Variants in C13orf46 observed in about 807,000 individuals in gnomAD.
C13orf46 encodes the protein chromosome 13 open reading frame 46.
the C13orf46 span, among the ~76,000 whole-genome samples, chr13:113,943,803 C>A: frequency 1.3e-5 from 2 of 152,156 alleles, no homozygotes; most frequent in African/African-American, 4.8e-5. Context: ...GGGCCTGTGG[C>A]CAGGGCTGGT....
intron 2 of C13orf46, among the ~76,000 whole-genome samples, chr13:113,969,043 G>C: frequency 6.6e-6 from 1 of 152,380 alleles, no homozygotes; most frequent in South Asian, 2.1e-4. Flanking sequence ...TTGGAAAGCA[G>C]GGTCTAACCT....
chr13:113,929,126 C>T, the C13orf46 span, among the ~76,000 whole-genome samples: 190 of 152,356 alleles, frequency 1.2e-3, no homozygotes, highest in African/African-American at 4.4e-3. Flanking sequence ...GTCCCCAGGC[C>T]GTGTACAGAC....
chr13:113,971,181 C>G (rs899113522), intron 1 of C13orf46, among the ~76,000 whole-genome samples: 4 of 152,222 alleles, frequency 2.6e-5, no homozygotes, highest in Non-Finnish European at 5.9e-5. Flanking sequence ...CAGCTACTCC[C>G]TCTTCCCACA....
the C13orf46 span, among the ~76,000 whole-genome samples, chr13:113,935,157 G>A: frequency 2.0e-5 from 3 of 152,354 alleles, no homozygotes; most frequent in Admixed American, 6.5e-5. Flanking sequence ...GGCCAGTGGC[G>A]AGAGGGCCTG....
At chr13:113,973,619 G>A (rs1163893980) in intron 1 of C13orf46, among the ~76,000 whole-genome samples, 189 bp downstream of exon 1, 1 of 152,150 alleles carries the variant, frequency 6.6e-6, no homozygotes, top group Non-Finnish European at 1.5e-5. Context: ...TGCAATGTAT[G>A]ACGTCAGGCC....
the C13orf46 span, among the ~76,000 whole-genome samples, chr13:113,933,675 A>G: frequency 1.5e-3 from 223 of 152,212 alleles, 2 homozygotes; most frequent in East Asian, 0.032. Flanking sequence ...CTCAGTTCTC[A>G]GTATATAGGA....
At chr13:113,946,509 G>A in the C13orf46 span, among the ~76,000 whole-genome samples, 3 of 152,304 alleles carry the variant, frequency 2.0e-5, no homozygotes, top group East Asian at 1.9e-4. Flanking sequence ...TGTGTGGGTC[G>A]TCAGCCGGGT....
the C13orf46 span, chr13:113,927,436 A>G: frequency 1.5e-5 from 6 of 397,502 alleles, no homozygotes; most frequent in East Asian, 7.1e-5. Flanking sequence ...TCAGGTTTGC[A>G]TTTCTTAGGT....
At chr13:113,933,039 A>AT in the C13orf46 span, among the ~76,000 whole-genome samples, 19 of 152,016 alleles carry the variant, frequency 1.2e-4, no homozygotes, top group South Asian at 1.0e-3. Flanking sequence ...AAATTTTTGT[A>AT]TTTTTAGTAG....
At chr13:113,950,054 C>T (rs1359262558), downstream of C13orf46, among the ~76,000 whole-genome samples, 1 of 137,256 alleles carries the variant, frequency 7.3e-6, no homozygotes, top group African/African-American at 2.8e-5. Flanking sequence ...GGGGTCATCA[C>T]TCTTGCCTGA....
At chr13:113,951,599 C>T (rs1466382125), downstream of C13orf46, among the ~76,000 whole-genome samples, 2 of 150,954 alleles carry the variant, frequency 1.3e-5, no homozygotes, top group Non-Finnish European at 2.9e-5. Context: ...AGGCTGCACT[C>T]GCTCCCCGCC....
At chr13:113,935,656 G>A in the C13orf46 span, among the ~76,000 whole-genome samples, 9 of 152,362 alleles carry the variant, frequency 5.9e-5, no homozygotes, top group Middle Eastern at 3.4e-3. Context: ...AACACCACTC[G>A]GGTTACCCAC....
At chr13:113,973,011 G>A (rs1001571887) in intron 1 of C13orf46, among the ~76,000 whole-genome samples, 9 of 152,184 alleles carry the variant, frequency 5.9e-5, no homozygotes, top group South Asian at 2.1e-4. Context: ...TTAGCGTTCC[G>A]AGCACAGGGC....
the C13orf46 span, among the ~76,000 whole-genome samples, chr13:113,941,578 G>A: frequency 1.1e-4 from 16 of 152,234 alleles, no homozygotes; most frequent in African/African-American, 3.6e-4. Flanking sequence ...TGTGTGTGAG[G>A]CTGGGCGTCT....
downstream of C13orf46, among the ~76,000 whole-genome samples, chr13:113,951,153 C>T (rs983589783): frequency 4.6e-5 from 7 of 152,154 alleles, no homozygotes; most frequent in African/African-American, 1.4e-4. Context: ...TCATAAGGGA[C>T]GTAGTGACAG....
the C13orf46 span, among the ~76,000 whole-genome samples, chr13:113,945,605 G>GAAGAAAGAAAGA: frequency 9.5e-3 from 890 of 93,698 alleles, 17 homozygotes; most frequent in East Asian, 0.026. Flanking sequence ...AAGAAAGAAA[G>GAAGAAAGAAAGA]AAGAAAGAAA....
At chr13:113,950,953 C>T (rs879211100), downstream of C13orf46, among the ~76,000 whole-genome samples, 63,108 of 152,174 alleles carry the variant, frequency 0.41, 14,328 homozygotes, top group Non-Finnish European at 0.5. Context: ...TTGGGAAGGC[C>T]GGGCGTTCAG....
rs1343841447 is a variant in C13orf46 at position 113,954,417 on chromosome 13, T to G, written c.*2356A>C. 6.6e-6 allele frequency: 1 copy of G among 152,666 alleles called. No individual in the cohort carries two copies. Among genetic ancestry groups the G allele is most frequent in the Non-Finnish European group, 1.5e-5 (1 of 68,430 alleles). 9.5% of individuals were successfully genotyped at this position (152,666 alleles called of 1,614,324 possible). A position where few individuals can be genotyped will look rare whatever the true frequency, so the allele number is the denominator to read the frequency against. On this transcript the variant is annotated 3_prime_UTR_variant, in exon 7 of 7. Coordinates refer to ENST00000636427, the MANE Select transcript of C13orf46 (RefSeq NM_001365455.2). Reference sequence around the variant, plus strand: ...TGGTGAAACTCGTCTTACAGGCATGTCCTGGAGCCCCCCACACCCCTAGGA... The same window carrying G: ...TGGTGAAACTCGTCTTACAGGCATGGCCTGGAGCCCCCCACACCCCTAGGA...
At chr13:113,938,498 G>A in the C13orf46 span, among the ~76,000 whole-genome samples, 2 of 152,136 alleles carry the variant, frequency 1.3e-5, no homozygotes, top group Admixed American at 6.5e-5. Flanking sequence ...CCGCCCACCT[G>A]CCTCTAAGGA....
Sources: allele counts gnomAD v4.1 joint callset (sites outside exome capture counted in the v4.1 genomes callset), GRCh38; gene constraint gnomAD v4.1.1; transcripts MANE v1.5; gene names NCBI Gene and HGNC (gene_info 2026-07-23, HGNC 2026-07-21).